ADAMTS12: variants seen among roughly 807,000 people sequenced by gnomAD.
ADAMTS12 encodes the protein A disintegrin and metalloproteinase with thrombospondin motifs 12.
A neutral mutation model predicts 167.8 loss-of-function variants in ADAMTS12; 118 were observed. That is an observed-to-expected ratio of 0.70 (90% CI 0.61 to 0.82). ADAMTS12 has a LOEUF of 0.82. Among genes scored for constraint, ADAMTS12 ranks in the 40% least tolerant of loss-of-function variants. The pLI is 0.00. For synonymous variants in ADAMTS12, 704 were observed against 716.9 expected, an observed-to-expected ratio of 0.98 and a Z score of 0.29; for missense variants, 1,916 against 1,998.8, an observed-to-expected ratio of 0.96 and a Z score of 0.79.
intron 22 of ADAMTS12, among the ~76,000 whole-genome samples, chr5:33,541,328 A>G (rs1397649587): frequency 6.6e-6 from 1 of 152,246 alleles, no homozygotes; most frequent in Non-Finnish European, 1.5e-5. Flanking sequence ...GAAATATGGG[A>G]CTATGTGAAA....
At chr5:33,779,184 ATT>A (rs58073487) in intron 2 of ADAMTS12, among the ~76,000 whole-genome samples, 2,574 of 135,442 alleles carry the variant, frequency 0.019, 74 homozygotes, top group African/African-American at 0.067. Context: ...TGAAATTAGT[ATT>A]TTTTTTTTTT....
At chr5:33,642,024 TA>T (rs1740478740) in intron 10 of ADAMTS12, 69 bp from the exon 11 acceptor site, 3 of 1,462,278 alleles carry the variant, frequency 2.1e-6, no homozygotes, top group Non-Finnish European at 2.7e-6. Context: ...CCAAGAGCCC[TA>T]AAAGTCTAAA....
intron 5 of ADAMTS12, among the ~76,000 whole-genome samples, chr5:33,673,363 C>T (rs1741788338): frequency 6.6e-6 from 1 of 152,180 alleles, no homozygotes; most frequent in Non-Finnish European, 1.5e-5. Context: ...CAGGTACTTT[C>T]AACTCAGCAT....
chr5:33,857,875 G>A (rs1418968864), intron 2 of ADAMTS12, among the ~76,000 whole-genome samples: 1 of 152,168 alleles, frequency 6.6e-6, no homozygotes, highest in East Asian at 1.9e-4. Flanking sequence ...AAATCTGATA[G>A]AACTGAAAGG....
intron 3 of ADAMTS12, among the ~76,000 whole-genome samples, chr5:33,737,699 A>G (rs1486125265): frequency 9.9e-5 from 15 of 152,236 alleles, no homozygotes. Flanking sequence ...TAAAATGTAC[A>G]ACTAGTCTCA....
chr5:33,750,416 T>G (rs1222425853), intron 3 of ADAMTS12, among the ~76,000 whole-genome samples: 1 of 152,204 alleles, frequency 6.6e-6, no homozygotes, highest in Admixed American at 6.5e-5. Flanking sequence ...TGTAGAGAAG[T>G]TGCTTGTCCT....
At chr5:33,737,811 T>G (rs1454735513) in intron 3 of ADAMTS12, among the ~76,000 whole-genome samples, 1 of 152,208 alleles carries the variant, frequency 6.6e-6, no homozygotes, top group Admixed American at 6.5e-5. Flanking sequence ...ACTTTTTATT[T>G]TCAGGGGGCT....
chr5:33,597,780 G>A (rs562872205), intron 16 of ADAMTS12, among the ~76,000 whole-genome samples: 4 of 152,126 alleles, frequency 2.6e-5, no homozygotes, highest in African/African-American at 4.8e-5. Flanking sequence ...ATAGAGACTC[G>A]GATCATTGAC....
At chr5:33,839,170 T>C (rs1748646702) in intron 2 of ADAMTS12, among the ~76,000 whole-genome samples, 1 of 152,220 alleles carries the variant, frequency 6.6e-6, no homozygotes, top group African/African-American at 2.4e-5. Context: ...CTTCTCTCCA[T>C]ATGTGACTTT....
rs764183670 is a variant in ADAMTS12 at position 33,588,755 on chromosome 5, C to G, written c.2709G>C (p.Glu903Asp). 4 of 1,613,952 alleles carry G rather than the reference C, an allele frequency of 2.5e-6. No homozygotes were observed. The African/African-American group carries it at 5.3e-5, about 22-fold the overall frequency. ...GGATGCACAGCACGGTTCGCTTCTT[C>G]TCCCCGTGGGGCCCGCATGTCGCCG... Reference protein sequence around the residue: ...ACSATCGPHGEKKRTVLCIQT... With the variant: ...ACSATCGPHGDKKRTVLCIQT... The change falls in exon 18 of 24, where the codon GAG (glutamate) becomes GAC (aspartate). Residue 903 changes from glutamate (E) to aspartate (D), a missense_variant. Transcript: ENST00000504830.
chr5:33,836,701 G>A (rs1220141109), intron 2 of ADAMTS12, among the ~76,000 whole-genome samples: 1 of 152,132 alleles, frequency 6.6e-6, no homozygotes, highest in Admixed American at 6.5e-5. Context: ...TCTCGGAGGA[G>A]GTGGCAGGGA....
intron 3 of ADAMTS12, among the ~76,000 whole-genome samples, chr5:33,737,945 C>A (rs1744427979): frequency 6.6e-6 from 1 of 152,128 alleles, no homozygotes; most frequent in Non-Finnish European, 1.5e-5. Context: ...CAAGAAGTAA[C>A]AGTAGTAGGA....
rs74837026 is a variant in ADAMTS12, at chr5:33,702,851, C to T, written c.635-18796G>A. ...AACGCTATTTCAGATGTAGGACCCT[C>T]ATGCCTTGGCATTAGGCAGCCAGAA... On this transcript the variant is annotated intron_variant, in intron 3 of 23. Coordinates refer to ENST00000504830, the MANE Select transcript of ADAMTS12 (RefSeq NM_030955.4). 4.1e-4 allele frequency among the ~76,000 whole-genome samples: 62 copies of T among 152,310 alleles called. 1 individual carries two copies. The East Asian group carries it at 0.012, about 28-fold the overall frequency.
chr5:33,734,934 C>T (rs187497898), intron 3 of ADAMTS12, among the ~76,000 whole-genome samples: 66 of 152,346 alleles, frequency 4.3e-4, no homozygotes, highest in African/African-American at 1.5e-3. Flanking sequence ...ACATACCTTA[C>T]TGCAAGATAC....
chr5:33,724,966 A>G (rs531988315), intron 3 of ADAMTS12, among the ~76,000 whole-genome samples: 1 of 152,238 alleles, frequency 6.6e-6, no homozygotes, highest in East Asian at 1.9e-4. Context: ...CTTATCCCTT[A>G]TAAGACCTGT....
At chr5:33,839,210 A>G (rs1357993047) in intron 2 of ADAMTS12, among the ~76,000 whole-genome samples, 1 of 152,238 alleles carries the variant, frequency 6.6e-6, no homozygotes, top group Non-Finnish European at 1.5e-5. Flanking sequence ...TTTGTGCCTC[A>G]GTGTCATTGT....
Position 33,658,266 on chromosome 5 carries a change from A to T in ADAMTS12, c.1108T>A (p.Cys370Ser). 1 of 1,613,770 alleles carries T rather than the reference A, an allele frequency of 6.2e-7. No individual in the cohort carries two copies. The highest frequency in any genetic ancestry group is 1.1e-5 in the South Asian group (1 of 91,068). Residue 370 changes from cysteine (C) to serine (S), a missense_variant, in exon 7 of 24, where the codon TGT becomes AGT. Cys to Ser is a moderately radical substitution (Grantham distance 112, BLOSUM62 -1). Transcript: ENST00000504830. ...TLGLSHLSGM[C>S]QPHRSCNINE... ...ATGTTACAACTGCGGTGAGGCTGAC[A>T]CATTCCTGAAAGGTGAGACAGGCCC...
chr5:33,857,790 C>T (rs1412809663), intron 2 of ADAMTS12, among the ~76,000 whole-genome samples: 3 of 152,222 alleles, frequency 2.0e-5, no homozygotes. Flanking sequence ...CATGTCGCTT[C>T]ACCTGGAAGA....
chr5:33,539,785 T>G (rs1253224264), intron 22 of ADAMTS12, among the ~76,000 whole-genome samples: 1 of 152,218 alleles, frequency 6.6e-6, no homozygotes. Flanking sequence ...TGCTTAAGTA[T>G]AGTGGCAAGA....
Sources: allele counts gnomAD v4.1 joint callset (sites outside exome capture counted in the v4.1 genomes callset), GRCh38; gene constraint gnomAD v4.1.1; transcripts MANE v1.5; gene names NCBI Gene and HGNC (gene_info 2026-07-23, HGNC 2026-07-21).